The following RNF220 variants were observed in gnomAD, a reference collection of about 807,000 sequenced individuals.
The protein encoded by RNF220 is ring finger protein 220, also known as E3 ubiquitin-protein ligase RNF220.
A neutral mutation model predicts 67.1 loss-of-function variants in RNF220; 7 were observed. The ratio of observed to expected loss-of-function variants is 0.10; its 90% confidence interval spans 0.06 to 0.20. RNF220 has a LOEUF of 0.20. RNF220 is among the 10% of genes least tolerant of loss of function. The probability of loss-of-function intolerance (pLI) is 1.00; values close to 1 mark genes in which losing one functional copy is unlikely to be tolerated. For synonymous variants in RNF220, 270 were observed against 283.2 expected, an observed-to-expected ratio of 0.95 and a Z score of 0.47; for missense variants, 565 against 740.3, an observed-to-expected ratio of 0.76 and a Z score of 2.75.
chr1:44,439,166 T>C (rs1470594949), intron 2 of RNF220, among the ~76,000 whole-genome samples: 3 of 152,236 alleles, frequency 2.0e-5, no homozygotes, highest in Admixed American at 6.5e-5. Context: ...TTTAAATCTT[T>C]ATGCCGCTTG....
At chr1:44,511,861 GGGGAAAAAATCTGTCATCTCC>G (rs1398083214) in intron 2 of RNF220, among the ~76,000 whole-genome samples, 2 of 151,678 alleles carry the variant, frequency 1.3e-5, no homozygotes, top group African/African-American at 4.9e-5. Flanking sequence ...ACAATGAAAG[GGGGAAAAAATCTGTCATCTCC>G]GGGAGGAAAG....
chr1:44,557,871 T>G (rs1426696890), intron 2 of RNF220, among the ~76,000 whole-genome samples: 1 of 152,224 alleles, frequency 6.6e-6, no homozygotes, highest in African/African-American at 2.4e-5. Flanking sequence ...GCCTTCTCAC[T>G]TCCAGACTGG....
intron 2 of RNF220, among the ~76,000 whole-genome samples, chr1:44,495,371 C>T (rs1012869944): frequency 5.9e-5 from 9 of 152,044 alleles, no homozygotes; most frequent in African/African-American, 2.2e-4. Context: ...GTGCTAGGCA[C>T]GAAGGTTACA....
At position 44,433,586 on chromosome 1, in the gene RNF220, C is replaced by G. The variant is rs1440753895; in HGVS notation, c.625+20864C>G. On this transcript the variant is annotated intron_variant, in intron 2 of 14. Coordinates refer to ENST00000361799, the MANE Select transcript of RNF220 (RefSeq NM_018150.4). ...TTAAGTTTTAAAACAGTGAAATAAA[C>G]TGTGAACTGCAGGGTGTAATATTTT... Among the ~76,000 whole-genome samples, 2 of 152,224 alleles carry G rather than the reference C, an allele frequency of 1.3e-5. 1 individual carries two copies. Among genetic ancestry groups the G allele is most frequent in the African/African-American group, 4.8e-5 (2 of 41,458 alleles).
intron 8 of RNF220, among the ~76,000 whole-genome samples, chr1:44,639,218 G>A (rs1158796233): frequency 6.6e-6 from 1 of 152,198 alleles, no homozygotes; most frequent in Non-Finnish European, 1.5e-5. Context: ...GTAGTCTAAG[G>A]AGGTGTGTGA....
In RNF220 at chr1:44,624,727, G is replaced by C. The variant is rs1643890316; in HGVS notation, c.805-1570G>C. Among the ~76,000 whole-genome samples the C allele has an allele frequency of 6.6e-6, 1 of 152,092 alleles. No homozygotes were observed. Among genetic ancestry groups the C allele is most frequent in the African/African-American group, 2.4e-5 (1 of 41,410 alleles). On this transcript the variant is annotated intron_variant, in intron 4 of 14. Transcript: ENST00000361799. The surrounding 1 kb of genome is among the most constrained non-coding windows in gnomAD (Gnocchi z 4.2). ...GAGGGGGCCTTAGACAAGATTGATG[G>C]CCTCGTTGCCATTAAGAAAAAAATT...
At chr1:44,448,073 C>T (rs556923711) in intron 2 of RNF220, among the ~76,000 whole-genome samples, 10 of 152,130 alleles carry the variant, frequency 6.6e-5, no homozygotes, top group East Asian at 3.9e-4. Context: ...CCAAGGTGGA[C>T]GGGTCACTTG....
intron 2 of RNF220, among the ~76,000 whole-genome samples, chr1:44,543,717 T>C (rs1027974318): frequency 6.6e-6 from 1 of 151,984 alleles, no homozygotes; most frequent in African/African-American, 2.4e-5. Context: ...CATGCAAGCA[T>C]TTCACATGTA....
At chr1:44,425,352 C>A (rs141985295) in intron 2 of RNF220, among the ~76,000 whole-genome samples, 6 of 152,162 alleles carry the variant, frequency 3.9e-5, no homozygotes, top group Non-Finnish European at 8.8e-5. Flanking sequence ...CTATGTGACT[C>A]CATCTAGCGT....
In RNF220 at chr1:44,412,847, A is replaced by G; in HGVS notation, c.625+125A>G. Reference sequence around the variant, plus strand: ...AAGGGCCAACTACTTCCCTTTCACTAGCTGTGGAGTGCTAACCTTTGCTTG... The same window carrying G: ...AAGGGCCAACTACTTCCCTTTCACTGGCTGTGGAGTGCTAACCTTTGCTTG... On this transcript the variant is annotated intron_variant, in intron 2 of 14. Coordinates refer to ENST00000361799, the MANE Select transcript of RNF220 (RefSeq NM_018150.4). This position sits in a 1 kb window ranked among gnomAD's most constrained non-coding sequence, Gnocchi z 5.3. 9.5e-7 allele frequency: 1 copy of G among 1,047,596 alleles called. No individual in the cohort carries two copies. The highest frequency in any genetic ancestry group is 1.4e-6 in the Non-Finnish European group (1 of 713,364). 64.9% of individuals were successfully genotyped at this position (1,047,596 alleles called of 1,614,324 possible).
chr1:44,559,606 C>G (rs34916501), intron 2 of RNF220, among the ~76,000 whole-genome samples: 3 of 152,030 alleles, frequency 2.0e-5, no homozygotes, highest in East Asian at 3.9e-4. Context: ...GGTCTAGCCC[C>G]GGGAGGAAGG....
chr1:44,559,615 G>A (rs371941086), intron 2 of RNF220, among the ~76,000 whole-genome samples: 5 of 152,354 alleles, frequency 3.3e-5, no homozygotes, highest in African/African-American at 1.2e-4. Context: ...CCGGGAGGAA[G>A]GGGAGTGGGG....
chr1:44,568,105 T>C (rs1294174123), intron 2 of RNF220, among the ~76,000 whole-genome samples: 1 of 152,152 alleles, frequency 6.6e-6, no homozygotes, highest in East Asian at 1.9e-4. Flanking sequence ...TTCTTCAATC[T>C]CCACATCCAA....
At chr1:44,523,138 G>C (rs1660072186) in intron 2 of RNF220, among the ~76,000 whole-genome samples, 2 of 152,218 alleles carry the variant, frequency 1.3e-5, no homozygotes, top group South Asian at 4.1e-4. Context: ...GTGAGTGTGG[G>C]AATGTTTTGT....
At chr1:44,409,520 G>C (rs535504796) in intron 1 of RNF220, among the ~76,000 whole-genome samples, 1 of 152,214 alleles carries the variant, frequency 6.6e-6, no homozygotes, top group Non-Finnish European at 1.5e-5. Context: ...TTTGCAAAGT[G>C]AGAAGTGAAC....
intron 2 of RNF220, among the ~76,000 whole-genome samples, chr1:44,469,385 C>T (rs1654588225): frequency 1.3e-5 from 2 of 152,038 alleles, no homozygotes; most frequent in Admixed American, 1.3e-4. Flanking sequence ...CCAGGCAAAC[C>T]AGCCTAAGAA....
At chr1:44,454,655 G>A (rs539656429) in intron 2 of RNF220, among the ~76,000 whole-genome samples, 1 of 148,538 alleles carries the variant, frequency 6.7e-6, no homozygotes, top group African/African-American at 2.5e-5. Context: ...TATTTTGGTG[G>A]GTTTTTTTTT....
intron 2 of RNF220, among the ~76,000 whole-genome samples, chr1:44,530,088 A>T (rs2148187691): frequency 6.6e-6 from 1 of 152,218 alleles, no homozygotes; most frequent in Admixed American, 6.5e-5. Context: ...ATAATAAAAA[A>T]TAAGCAACAA....
chr1:44,647,645 T>C (rs1387596805), intron 12 of RNF220, among the ~76,000 whole-genome samples: 1 of 152,160 alleles, frequency 6.6e-6, no homozygotes. Flanking sequence ...GTGTTGCTGC[T>C]AGCTCCCCAA....
Sources: allele counts gnomAD v4.1 joint callset (sites outside exome capture counted in the v4.1 genomes callset), GRCh38; gene constraint gnomAD v4.1.1; non-coding constraint Gnocchi (gnomAD v3.1); transcripts MANE v1.5; gene names NCBI Gene and HGNC (gene_info 2026-07-23, HGNC 2026-07-21).